Variants in TULP2 observed in about 807,000 individuals in gnomAD.
The protein encoded by TULP2 is TUB like protein 2, also known as tubby-related protein 2.
TULP2 carries 64 observed loss-of-function variants against 60.3 expected under a neutral mutation model. The observed-to-expected ratio is 1.06, with a 90% CI of 0.87 to 1.31. TULP2 has a LOEUF of 1.31. Among genes scored for constraint, TULP2 ranks in the 50% most tolerant of loss-of-function variants. The pLI is 0.00. For missense variants in TULP2, 652 were observed against 667.0 expected (o/e 0.98, Z 0.25); for synonymous variants, 267 against 265.4 (o/e 1.01, Z -0.06).
At chr19:48,883,124 C>T (rs1293877717) in intron 11 of TULP2, among the ~76,000 whole-genome samples, 1 of 151,298 alleles carries the variant, frequency 6.6e-6, no homozygotes, top group East Asian at 1.9e-4. Context: ...GAGGCTGAGG[C>T]AGGAGAATGG....
chr19:48,894,546 C>T (rs1376498274), intron 6 of TULP2, among the ~76,000 whole-genome samples: 1 of 152,038 alleles, frequency 6.6e-6, no homozygotes, highest in Non-Finnish European at 1.5e-5. Flanking sequence ...GAGGCTGAGG[C>T]AGGAGAATAG....
Position 48,885,480 on chromosome 19 carries a change from A to G in TULP2, c.1029T>C (p.Ser343=), listed in dbSNP as rs757553002. The G allele has an allele frequency of 1.9e-6, 3 of 1,613,954 alleles. No individual in the cohort carries two copies. The Admixed American group carries it at 5.0e-5, about 27-fold the overall frequency. Residue 343 remains serine (S), a synonymous_variant, in exon 9 of 13, where the codon TCT becomes TCC. Coordinates refer to ENST00000221399, the MANE Select transcript of TULP2 (RefSeq NM_003323.3). ...TGCCCACGAAATTGTCCCCGTCCCG[A>G]GATAGGTGTGTAGGATCCAGGGAGA... ...YLISLDPTHL[S]RDGDNFVGKV...
At chr19:48,882,226 T>C (rs2037141175) in intron 11 of TULP2, 23 bp from the exon 12 acceptor site, 1 of 1,613,592 alleles carries the variant, frequency 6.2e-7, no homozygotes, top group Admixed American at 1.7e-5. Flanking sequence ...GAAGGGGCTG[T>C]GGTTTTCTCA....
chr19:48,885,333 C>T, intron 9 of TULP2, 115 bp downstream of exon 9: 1 of 808,258 alleles, frequency 1.2e-6, no homozygotes. Flanking sequence ...CCCTTCAGTT[C>T]TTCTGGTCCC....
At chr19:48,883,651 T>G in intron 11 of TULP2, 103 bp downstream of exon 11, 4 of 1,295,248 alleles carry the variant, frequency 3.1e-6, no homozygotes, top group Non-Finnish European at 4.4e-6. Flanking sequence ...TGCAACCCAC[T>G]GGCCTCCTCT....
At chr19:48,892,521 G>T (rs1213458728) in intron 6 of TULP2, among the ~76,000 whole-genome samples, 3 of 150,908 alleles carry the variant, frequency 2.0e-5, no homozygotes, top group Non-Finnish European at 4.4e-5. Context: ...TTTTTGGGGG[G>T]GGGACGGAGT....
chr19:48,885,037 A>G (rs904328182), intron 9 of TULP2, among the ~76,000 whole-genome samples: 6 of 147,420 alleles, frequency 4.1e-5, no homozygotes, highest in African/African-American at 1.5e-4. Flanking sequence ...AGTAGCTGGG[A>G]TTACAGGTTC....
rs1395534334 is a variant in TULP2 at position 48,889,624 on chromosome 19, A to T, written c.522T>A (p.Arg174=). Residue 174 remains arginine, a synonymous_variant, in exon 7 of 13, where the codon CGT becomes CGA. Transcript: ENST00000221399. ...GWQAHQRPGT[R]AEGESDSQDM... ...CCTGGGAGTCACTCTCACCCTCTGC[A>T]CGGGTCCCTAATGTGGGGAAAAGCA... is the stretch of plus-strand genomic sequence containing the variant. 1 of 1,579,010 alleles carries T rather than the reference A, an allele frequency of 6.3e-7. No individual in the cohort carries two copies. Among genetic ancestry groups the T allele is most frequent in the Non-Finnish European group, 8.7e-7 (1 of 1,153,510 alleles).
At chr19:48,881,470 C>T (rs2037132103) in intron 12 of TULP2, among the ~76,000 whole-genome samples, 1 of 150,904 alleles carries the variant, frequency 6.6e-6, no homozygotes, top group South Asian at 2.1e-4. Context: ...CAAGCTCCGC[C>T]TCCCGGGTTC....
chr19:48,892,565 G>A (rs986897173), intron 6 of TULP2, among the ~76,000 whole-genome samples: 10 of 151,390 alleles, frequency 6.6e-5, no homozygotes, highest in Admixed American at 3.3e-4. Context: ...GTGCAGTGGC[G>A]CGATCTCAGC....
chr19:48,897,910 T>C lies in TULP2; in HGVS notation c.-1-41A>G, dbSNP rs1267101805. 1 of 1,578,646 alleles carries C rather than the reference T, an allele frequency of 6.3e-7. No homozygotes were observed. The highest frequency in any genetic ancestry group is 8.7e-7 in the Non-Finnish European group (1 of 1,153,962). ...TGAGGAGTCAGGATCAGAACCAACA[T>C]CCCAATGGATCCTGCCCACCAGCAC... On this transcript the variant is annotated intron_variant, in intron 1 of 12. Coordinates refer to ENST00000221399, the MANE Select transcript of TULP2 (RefSeq NM_003323.3). This position sits in a 1 kb window ranked among gnomAD's most constrained non-coding sequence, Gnocchi z 4.0.
chr19:48,882,548 CA>C (rs1292468982), intron 11 of TULP2, among the ~76,000 whole-genome samples: 2 of 152,150 alleles, frequency 1.3e-5, no homozygotes, highest in African/African-American at 2.4e-5. Flanking sequence ...GTACACTGAA[CA>C]AAGGAGACAG....
intron 8 of TULP2, among the ~76,000 whole-genome samples, chr19:48,887,577 A>T (rs2037192893): frequency 6.7e-6 from 1 of 150,164 alleles, no homozygotes; most frequent in Non-Finnish European, 1.5e-5. Context: ...TTGTTTTTTG[A>T]GATGGAGTCT....
At position 48,897,314 on chromosome 19, in the gene TULP2, G is replaced by A. The variant is rs762440340; in HGVS notation, c.84+31C>T. The stretch of plus-strand genomic sequence containing the variant: ...CTGGGGAGGCACAGAAGGCGGAAGA[G>A]TTGGAGTGGTGAGATTCCTGGGCAC... On this transcript the variant is annotated intron_variant, in intron 3 of 12. Transcript: ENST00000221399. This position sits in a 1 kb window ranked among gnomAD's most constrained non-coding sequence, Gnocchi z 4.0. The A allele has an allele frequency of 3.7e-6, 6 of 1,612,318 alleles. 1 individual carries two copies. Among genetic ancestry groups the A allele is most frequent in the Non-Finnish European group, 5.1e-6 (6 of 1,179,080 alleles).
At chr19:48,892,719 CT>C (rs1290540326) in intron 6 of TULP2, among the ~76,000 whole-genome samples, 1 of 151,942 alleles carries the variant, frequency 6.6e-6, no homozygotes, top group Non-Finnish European at 1.5e-5. Context: ...TCTCGATCTC[CT>C]GACCTCGTGA....
intron 6 of TULP2, among the ~76,000 whole-genome samples, chr19:48,892,520 G>C (rs1271709430): frequency 6.6e-6 from 1 of 150,930 alleles, no homozygotes; most frequent in Non-Finnish European, 1.5e-5. Flanking sequence ...TTTTTTGGGG[G>C]GGGGACGGAG....
intron 6 of TULP2, among the ~76,000 whole-genome samples, 179 bp from the exon 7 acceptor site, chr19:48,889,810 G>T (rs535363005): frequency 6.6e-6 from 1 of 152,134 alleles, no homozygotes; most frequent in Admixed American, 6.6e-5. Flanking sequence ...GTCCACTCAG[G>T]GTTAAATGGA....
At chr19:48,892,524 G>GA (rs2037242651) in intron 6 of TULP2, among the ~76,000 whole-genome samples, 2 of 150,458 alleles carry the variant, frequency 1.3e-5, no homozygotes, top group South Asian at 2.1e-4. Context: ...TTGGGGGGGG[G>GA]ACGGAGTCTT....
intron 7 of TULP2, among the ~76,000 whole-genome samples, chr19:48,888,992 T>G (rs1482326774): frequency 6.8e-6 from 1 of 146,236 alleles, no homozygotes; most frequent in Admixed American, 6.8e-5. Flanking sequence ...CTGCACCTAT[T>G]TTTTTTTTTT....
Sources: gnomAD v4.1 joint callset for allele counts (sites outside exome capture counted in the v4.1 genomes callset) on GRCh38, gnomAD v4.1.1 for gene constraint, Gnocchi (gnomAD v3.1) non-coding constraint, MANE v1.5 for transcripts, NCBI Gene and HGNC (gene_info 2026-07-23, HGNC 2026-07-21) for gene names.